The following ZDHHC2 variants were observed in gnomAD, a reference collection of about 807,000 sequenced individuals.
ZDHHC2 encodes palmitoyltransferase ZDHHC2.
In ZDHHC2, 51 loss-of-function variants were observed where a neutral mutation model predicts 55.6. That is an observed-to-expected ratio of 0.92 (90% CI 0.73 to 1.16). The LOEUF is 1.16. Ranked by LOEUF, ZDHHC2 falls within the 50% of genes most tolerant of loss-of-function variation. The pLI, the probability that ZDHHC2 is intolerant of heterozygous loss-of-function variation, is 0.00. For missense variants in ZDHHC2, 491 were observed against 442.4 expected, an observed-to-expected ratio of 1.11 and a Z score of -0.99; for synonymous variants, 199 against 152.9, an observed-to-expected ratio of 1.30 and a Z score of -2.22.
intron 1 of ZDHHC2, among the ~76,000 whole-genome samples, chr8:17,158,447 G>C (rs1166298342): frequency 6.6e-6 from 1 of 152,186 alleles, no homozygotes; most frequent in Non-Finnish European, 1.5e-5. Context: ...TCTTGGTACA[G>C]TGTCTCCTGT....
At chr8:17,166,446 G>A (rs375480953) in intron 1 of ZDHHC2, among the ~76,000 whole-genome samples, 27 of 152,316 alleles carry the variant, frequency 1.8e-4, no homozygotes, top group African/African-American at 6.5e-4. Context: ...GAATGGGTGT[G>A]CTGTCATGAA....
intron 12 of ZDHHC2, among the ~76,000 whole-genome samples, chr8:17,219,901 T>G (rs1394413128): frequency 6.6e-6 from 1 of 152,188 alleles, no homozygotes; most frequent in Non-Finnish European, 1.5e-5. Context: ...CTCAGATGAA[T>G]GCAGAACTAA....
rs1366196037 is a variant in ZDHHC2 at position 17,199,531 on chromosome 8, TCTGTCTTCGTCTTC to T, written c.476+1119_476+1132del. ...TTCTTCTTCGTCTTCGTCTTCGTCT[TCTGTCTTCGTCTTC>T]TGTCTTCGTCTTCGTCTTCTTCGTC... On this transcript the variant is annotated intron_variant, in intron 6 of 12. Transcript: ENST00000262096. Among the ~76,000 whole-genome samples, 6 of 23,150 alleles carry T rather than the reference TCTGTCTTCGTCTTC, an allele frequency of 2.6e-4. 1 individual carries two copies. Among genetic ancestry groups the T allele is most frequent in the Non-Finnish European group, 6.1e-4 (3 of 4,924 alleles). The allele number at this position is 23,150 out of a possible 152,430, so 15.2% of individuals were successfully genotyped here. A position where few individuals can be genotyped will look rare whatever the true frequency, so the allele number is the denominator to read the frequency against.
chr8:17,210,574 C>A (rs1397129509), intron 10 of ZDHHC2, 94 bp downstream of exon 10: 36 of 1,077,990 alleles, frequency 3.3e-5, no homozygotes, highest in South Asian at 1.1e-4. Context: ...AAAATGAAGA[C>A]CATAAGAAAA....
chr8:17,224,216 T>G lies in ZDHHC2; in HGVS notation c.*3995T>G, dbSNP rs534859105. 6.6e-6 allele frequency: 1 copy of G among 151,844 alleles called. No homozygotes were observed. The highest frequency in any genetic ancestry group is 2.4e-5 in the African/African-American group (1 of 41,514). 9.4% of individuals were successfully genotyped at this position (151,844 alleles called of 1,614,324 possible). A position where few individuals can be genotyped will look rare whatever the true frequency, so the allele number is the denominator to read the frequency against. The stretch of plus-strand genomic sequence containing the variant: ...GACACTTTTAATCATTTGCAGACCT[T>G]TCTTGTTGCAGGAAAGTGAGGGCAA... On this transcript the variant is annotated 3_prime_UTR_variant, in exon 13 of 13. Coordinates refer to ENST00000262096, the MANE Select transcript of ZDHHC2 (RefSeq NM_016353.5).
chr8:17,183,295 C>T (rs948171514), intron 1 of ZDHHC2, among the ~76,000 whole-genome samples: 1 of 152,172 alleles, frequency 6.6e-6, no homozygotes, highest in African/African-American at 2.4e-5. Flanking sequence ...AATTTTGGAG[C>T]ACTTTTGAAG....
In ZDHHC2 at chr8:17,204,673, G is replaced by A. The variant is rs369876935; in HGVS notation, c.477-982G>A. On this transcript the variant is annotated intron_variant, in intron 6 of 12. Coordinates refer to ENST00000262096, the MANE Select transcript of ZDHHC2 (RefSeq NM_016353.5). ...GGGCCTTTTGGAGGGAGGAGGGTGG[G>A]AGGAGGAAGAAGGCTAAGCAAAACA... Among the ~76,000 whole-genome samples the A allele has an allele frequency of 5.4e-4, 82 of 152,242 alleles. 1 individual carries two copies. Among genetic ancestry groups the A allele is most frequent in the African/African-American group, 1.9e-3 (80 of 41,538 alleles).
chr8:17,194,162 T>C (rs1178753991), intron 3 of ZDHHC2, among the ~76,000 whole-genome samples: 1 of 152,206 alleles, frequency 6.6e-6, no homozygotes, highest in African/African-American at 2.4e-5. Context: ...TTATCCAGTC[T>C]ATCATTGATG....
At chr8:17,212,104 C>G (rs920022305) in intron 10 of ZDHHC2, among the ~76,000 whole-genome samples, 9 of 152,080 alleles carry the variant, frequency 5.9e-5, no homozygotes, top group Admixed American at 3.3e-4. Context: ...GTTAAATAAT[C>G]TTTTGAGGCC....
At position 17,210,007 on chromosome 8, in the gene ZDHHC2, G is replaced by T. The variant is rs567641948; in HGVS notation, c.806G>T (p.Arg269Leu). Residue 269 changes from arginine (R) to leucine (L), a missense_variant, in exon 9 of 13, where the codon CGA becomes CTA. Arg to Leu is a moderately radical substitution (Grantham distance 102, BLOSUM62 -2). Transcript: ENST00000262096. ...GFSLGFSKNMRQVFGDEKKYW... is the reference protein window; with the variant it reads ...GFSLGFSKNMLQVFGDEKKYW... ...AGCTTGGGTTTCAGTAAAAACATGC[G>T]ACAAGTTTTTGGTGATGAGAAGAAG... is the stretch of plus-strand genomic sequence containing the variant. 6.2e-7 allele frequency: 1 copy of T among 1,609,968 alleles called. No individual in the cohort carries two copies. The highest frequency in any genetic ancestry group is 1.1e-5 in the South Asian group (1 of 90,474).
intron 3 of ZDHHC2, among the ~76,000 whole-genome samples, chr8:17,193,107 C>T (rs1428558958): frequency 6.6e-6 from 1 of 152,120 alleles, no homozygotes; most frequent in Middle Eastern, 3.2e-3. Flanking sequence ...GTGAGTCTTC[C>T]AGTTTTGTTC....
Position 17,195,629 on chromosome 8 carries a change from A to C in ZDHHC2, c.373+5A>C. The stretch of plus-strand genomic sequence containing the variant: ...ATACCAGGACCATGTCTGGAGGTAA[A>C]TGTTGATAATGAGTGCTTTGCAATG... On this transcript the variant is annotated splice_donor_5th_base_variant and intron_variant, in intron 4 of 12. Transcript: ENST00000262096. The C allele has an allele frequency of 1.2e-6, 2 of 1,613,682 alleles. No individual in the cohort carries two copies. Among genetic ancestry groups the C allele is most frequent in the Non-Finnish European group, 1.7e-6 (2 of 1,179,674 alleles).
chr8:17,199,603 T>G, intron 6 of ZDHHC2, among the ~76,000 whole-genome samples: 1 of 55,630 alleles, frequency 1.8e-5, no homozygotes, highest in Non-Finnish European at 5.4e-5. Context: ...TTCTTCTTTA[T>G]TCTTTCTTCT....
At position 17,209,722 on chromosome 8, in the gene ZDHHC2, A is replaced by G. The variant is rs116725876; in HGVS notation, c.731-210A>G. Among the ~76,000 whole-genome samples, 743 of 152,320 alleles carry G rather than the reference A, an allele frequency of 4.9e-3. 12 individuals are homozygous for G. Among genetic ancestry groups the G allele is most frequent in the African/African-American group, 0.017 (696 of 41,578 alleles). The stretch of plus-strand genomic sequence containing the variant: ...ATGTACTATTATAATAAAAAGGCAT[A>G]TTTTAAAATTAAAATAGGTATATCT... On this transcript the variant is annotated intron_variant, in intron 8 of 12. Transcript: ENST00000262096.
chr8:17,187,952 A>G (rs1489886576), intron 3 of ZDHHC2, among the ~76,000 whole-genome samples: 1 of 152,188 alleles, frequency 6.6e-6, no homozygotes, highest in Non-Finnish European at 1.5e-5. Flanking sequence ...TATGTCAGTT[A>G]ATGGGCAGTT....
chr8:17,185,913 A>C (rs978637881), intron 2 of ZDHHC2, among the ~76,000 whole-genome samples: 1 of 152,208 alleles, frequency 6.6e-6, no homozygotes, highest in Non-Finnish European at 1.5e-5. Flanking sequence ...CAGCTTCTCA[A>C]ATAGGAACTG....
At chr8:17,213,181 A>G (rs1207038206) in intron 10 of ZDHHC2, among the ~76,000 whole-genome samples, 2 of 152,100 alleles carry the variant, frequency 1.3e-5, no homozygotes, top group Non-Finnish European at 2.9e-5. Flanking sequence ...TAACTTCAGA[A>G]TAGAGGGAAT....
chr8:17,172,721 TG>T (rs1311428668), intron 1 of ZDHHC2, among the ~76,000 whole-genome samples: 8 of 152,300 alleles, frequency 5.3e-5, no homozygotes, highest in African/African-American at 1.9e-4. Flanking sequence ...AGTGTCTGCA[TG>T]TGAGAAATGT....
At chr8:17,172,636 C>T (rs1367922994) in intron 1 of ZDHHC2, among the ~76,000 whole-genome samples, 1 of 152,144 alleles carries the variant, frequency 6.6e-6, no homozygotes, top group African/African-American at 2.4e-5. Flanking sequence ...ACACTTATAA[C>T]CTGGAGACTT....
Sources: allele counts gnomAD v4.1 joint callset (sites outside exome capture counted in the v4.1 genomes callset), GRCh38; gene constraint gnomAD v4.1.1; transcripts MANE v1.5; gene names NCBI Gene and HGNC (gene_info 2026-07-23, HGNC 2026-07-21).